Variants in TGFBRAP1 observed in about 807,000 individuals in gnomAD.
TGFBRAP1 encodes transforming growth factor beta receptor associated protein 1.
TGFBRAP1 carries 20 observed loss-of-function variants against 83.2 expected under a neutral mutation model. That is an observed-to-expected ratio of 0.24 (90% CI 0.17 to 0.35). The LOEUF (loss-of-function observed/expected upper bound fraction) is 0.35, where lower values mean the gene tolerates loss of function less well. Ranked by LOEUF, TGFBRAP1 falls within the 10% of genes least tolerant of loss-of-function variation. The pLI is 1.00. For missense variants in TGFBRAP1, 950 were observed against 1,099.4 expected (o/e 0.86, Z 1.92); for synonymous variants, 415 against 459.8 (o/e 0.90, Z 1.25).
chr2:105,299,101 C>T (rs1241864759), intron 2 of TGFBRAP1, among the ~76,000 whole-genome samples: 1 of 151,520 alleles, frequency 6.6e-6, no homozygotes, highest in Non-Finnish European at 1.5e-5. Flanking sequence ...GGCAACATGG[C>T]AAAACCTCAC....
In TGFBRAP1 at chr2:105,284,310, A is replaced by G. The variant is rs369329718; in HGVS notation, c.1121+6T>C. The G allele has an allele frequency of 3.1e-6, 5 of 1,613,590 alleles. No individual in the cohort carries two copies. The highest frequency in any genetic ancestry group is 1.3e-5 in the African/African-American group (1 of 74,894). ...TGGCAGTCTTGCTACCAGCACCTCA[A>G]ATTACCTGAAGAGCTCTTTAGCTTC... On this transcript the variant is annotated splice_donor_region_variant and intron_variant, in intron 5 of 11. Coordinates refer to ENST00000393359, the MANE Select transcript of TGFBRAP1 (RefSeq NM_004257.6).
At chr2:105,263,314 G>A (rs1389080221), downstream of TGFBRAP1, among the ~76,000 whole-genome samples, 4 of 152,188 alleles carry the variant, frequency 2.6e-5, no homozygotes, top group East Asian at 1.9e-4. Flanking sequence ...TCTAAAAACC[G>A]CAATGCGATG....
At chr2:105,283,465 G>A (rs1003880370) in intron 5 of TGFBRAP1, among the ~76,000 whole-genome samples, 1 of 152,240 alleles carries the variant, frequency 6.6e-6, no homozygotes. Flanking sequence ...TCTATTCAGG[G>A]GCTTCCTATA....
downstream of TGFBRAP1, among the ~76,000 whole-genome samples, chr2:105,263,491 CTTCAAA>C (rs1289418028): frequency 1.3e-5 from 2 of 152,174 alleles, no homozygotes; most frequent in Non-Finnish European, 2.9e-5. Context: ...ACCTCAGCTT[CTTCAAA>C]TTCAAGTATG....
intron 1 of TGFBRAP1, among the ~76,000 whole-genome samples, chr2:105,326,945 G>C (rs1402233170): frequency 6.6e-6 from 1 of 152,126 alleles, no homozygotes; most frequent in Non-Finnish European, 1.5e-5. Flanking sequence ...AAATTAAGTT[G>C]TTACTCTACA....
At chr2:105,281,433 A>G (rs1233803156) in intron 5 of TGFBRAP1, among the ~76,000 whole-genome samples, 2 of 151,990 alleles carry the variant, frequency 1.3e-5, no homozygotes, top group Non-Finnish European at 2.9e-5. Flanking sequence ...GGGCCACCCC[A>G]CCCCAGACAC....
intron 1 of TGFBRAP1, among the ~76,000 whole-genome samples, chr2:105,310,734 T>G (rs17030797): frequency 1.3e-5 from 2 of 152,098 alleles, no homozygotes; most frequent in Non-Finnish European, 2.9e-5. Context: ...CTAGACAACA[T>G]TTTTTTCTCC....
chr2:105,254,955 G>T, the TGFBRAP1 span, among the ~76,000 whole-genome samples: 1 of 152,278 alleles, frequency 6.6e-6, no homozygotes, highest in East Asian at 1.9e-4. Flanking sequence ...TGGCATCTTG[G>T]TCTTGGACTT....
At chr2:105,306,068 G>GTTTT (rs1553406584) in intron 2 of TGFBRAP1, among the ~76,000 whole-genome samples, 1 of 118,662 alleles carries the variant, frequency 8.4e-6, no homozygotes, top group Non-Finnish European at 1.7e-5. Context: ...TTTGTTTTTT[G>GTTTT]TTTTTTTTTT....
At chr2:105,298,023 C>T (rs1678141472) in intron 3 of TGFBRAP1, among the ~76,000 whole-genome samples, 1 of 152,188 alleles carries the variant, frequency 6.6e-6, no homozygotes, top group African/African-American at 2.4e-5. Flanking sequence ...ACCCTGACTA[C>T]CCTGGTCTGC....
At chr2:105,267,869 G>A (rs938639136) in intron 11 of TGFBRAP1, 2 of 985,290 alleles carry the variant, frequency 2.0e-6, no homozygotes, top group African/African-American at 3.5e-5. Context: ...TTTCAAGCAA[G>A]GCCTGTTAGA....
intron 6 of TGFBRAP1, among the ~76,000 whole-genome samples, chr2:105,279,222 A>G (rs1677447757): frequency 1.3e-5 from 2 of 152,168 alleles, no homozygotes; most frequent in Admixed American, 1.3e-4. Context: ...TCCATGATAC[A>G]TAAGGCCATC....
At chr2:105,271,435 G>A (rs533513947) in intron 10 of TGFBRAP1, among the ~76,000 whole-genome samples, 2 of 152,322 alleles carry the variant, frequency 1.3e-5, no homozygotes, top group Admixed American at 1.3e-4. Flanking sequence ...GACGGTGGCT[G>A]TGAGTGAACA....
chr2:105,273,662 G>T lies in TGFBRAP1; in HGVS notation c.1694C>A (p.Pro565His). The T allele has an allele frequency of 6.2e-7, 1 of 1,614,120 alleles. No homozygotes were observed. The highest frequency in any genetic ancestry group is 1.1e-5 in the South Asian group (1 of 91,072). ...EVGVQVFTKR[P>H]LDEQQKNSFN... is the part of the protein sequence containing the mutation. The stretch of plus-strand genomic sequence containing the variant: ...ACTGTTCTTCTGCTGTTCATCCAAA[G>T]GTCTCTTGGTGAAAACCTGAACTCC... Residue 565 changes from proline to histidine, a missense_variant, in exon 9 of 12, where the codon CCT (proline) becomes CAT (histidine). Physicochemically the swap from Pro to His is moderately conservative, Grantham distance 77 (BLOSUM62 -2). Coordinates refer to ENST00000393359, the MANE Select transcript of TGFBRAP1 (RefSeq NM_004257.6).
At position 105,264,952 on chromosome 2, in the gene TGFBRAP1, ATT is replaced by A. The variant is rs918069889; in HGVS notation, c.*2429_*2430del. The A allele has an allele frequency of 1.5e-4, 23 of 152,314 alleles. No homozygotes were observed. Among genetic ancestry groups the A allele is most frequent in the African/African-American group, 5.3e-4 (22 of 41,568 alleles). 9.4% of individuals were successfully genotyped at this position (152,314 alleles called of 1,614,324 possible). A position where few individuals can be genotyped will look rare whatever the true frequency, so the allele number is the denominator to read the frequency against. On this transcript the variant is annotated 3_prime_UTR_variant, in exon 12 of 12. Transcript: ENST00000393359. ...GCAGGCCTGTGAGAAAGAACCATAC[ATT>A]TCTCTCAGAAATATGATTTGAGAAA...
chr2:105,249,666 T>A, the TGFBRAP1 span: 2 of 152,164 alleles, frequency 1.3e-5, no homozygotes, highest in Non-Finnish European at 2.9e-5. Context: ...GAAAAAAAAT[T>A]ACTATTTAAA....
chr2:105,327,976 A>T (rs1679271064), intron 1 of TGFBRAP1, among the ~76,000 whole-genome samples: 2 of 152,234 alleles, frequency 1.3e-5, no homozygotes, highest in African/African-American at 2.4e-5. Flanking sequence ...ATTACTCAAA[A>T]CATAAAACTA....
chr2:105,262,338 C>T (rs1676808512), downstream of TGFBRAP1, among the ~76,000 whole-genome samples: 1 of 152,096 alleles, frequency 6.6e-6, no homozygotes, highest in African/African-American at 2.4e-5. Context: ...TGAGAGCTGG[C>T]TGTTTAAAGG....
intron 1 of TGFBRAP1, among the ~76,000 whole-genome samples, chr2:105,324,609 T>G (rs1471483370): frequency 1.3e-5 from 2 of 152,140 alleles, no homozygotes; most frequent in Admixed American, 1.3e-4. Flanking sequence ...AGTTAAAAGT[T>G]TTTTTTTCCT....
Sources: allele counts gnomAD v4.1 joint callset (sites outside exome capture counted in the v4.1 genomes callset), GRCh38; gene constraint gnomAD v4.1.1; transcripts MANE v1.5; gene names NCBI Gene and HGNC (gene_info 2026-07-23, HGNC 2026-07-21).